Variants in PECR observed in about 807,000 individuals in gnomAD.
PECR encodes 2,4-dienoyl-CoA reductase-related protein.
Under a neutral mutation model 35.3 loss-of-function variants are expected in PECR, and 30 were observed. That is an observed-to-expected ratio of 0.85 (90% CI 0.64 to 1.15). The LOEUF (loss-of-function observed/expected upper bound fraction) is 1.15. PECR is among the 50% of genes most tolerant of loss of function. The pLI is 0.00. For missense variants in PECR, 392 were observed against 370.8 expected (o/e 1.06, Z -0.47); for synonymous variants, 148 against 138.9 (o/e 1.07, Z -0.46).
At chr2:216,055,068 C>T (rs1255843186) in intron 4 of PECR, among the ~76,000 whole-genome samples, 1 of 146,178 alleles carries the variant, frequency 6.8e-6, no homozygotes, top group East Asian at 2.1e-4. Context: ...GCAGAAATTG[C>T]ACCACTGCAC....
intron 6 of PECR, among the ~76,000 whole-genome samples, chr2:216,044,854 G>A (rs1694961781): frequency 1.3e-5 from 2 of 152,186 alleles, no homozygotes; most frequent in Non-Finnish European, 2.9e-5. Context: ...ACTTGAGGCT[G>A]TGGGAAGAAG....
chr2:216,046,384 C>T (rs1694997875), intron 6 of PECR, among the ~76,000 whole-genome samples: 1 of 145,434 alleles, frequency 6.9e-6, no homozygotes, highest in South Asian at 2.1e-4. Context: ...AATCTCTGCT[C>T]ACTGCAACCT....
At chr2:216,056,602 C>T (rs954872991) in intron 4 of PECR, among the ~76,000 whole-genome samples, 4 of 151,338 alleles carry the variant, frequency 2.6e-5, no homozygotes, top group Non-Finnish European at 5.9e-5. Context: ...GTGCCTACAA[C>T]CCCAGCTACT....
chr2:216,035,404 A>T (rs188250595), downstream of PECR, among the ~76,000 whole-genome samples: 424 of 151,728 alleles, frequency 2.8e-3, 1 homozygote, highest in Non-Finnish European at 4.6e-3. Context: ...CACCACAGTG[A>T]CTTCTCTGCC....
rs1054348950 is a variant in PECR at position 216,060,731 on chromosome 2, T to G, written c.425-1755A>C. 1.3e-5 allele frequency among the ~76,000 whole-genome samples: 2 copies of G among 152,104 alleles called. 1 individual carries two copies. The highest frequency in any genetic ancestry group is 1.3e-4 in the Admixed American group (2 of 15,264). On this transcript the variant is annotated intron_variant, in intron 3 of 7. Transcript: ENST00000265322. ...TTACCTACTAAAGGGAACTAGGTCT[T>G]CTTGGAGAAACAGGTCTGAGCCATT... is the stretch of plus-strand genomic sequence containing the variant.
Position 216,039,169 on chromosome 2 carries a change from A to G in PECR, c.*106T>C, listed in dbSNP as rs1311498200. On this transcript the variant is annotated 3_prime_UTR_variant, in exon 8 of 8. Coordinates refer to ENST00000265322, the MANE Select transcript of PECR (RefSeq NM_018441.6). The stretch of plus-strand genomic sequence containing the variant: ...TAGATATAATTAATAACACTTAAAA[A>G]TAAGAAAAATGTTTTCCATACCAAC... 2.7e-6 allele frequency: 2 copies of G among 741,230 alleles called. No homozygotes were observed. Among genetic ancestry groups the G allele is most frequent in the Admixed American group, 2.0e-5 (1 of 51,114 alleles). 45.9% of individuals were successfully genotyped at this position (741,230 alleles called of 1,614,324 possible).
intron 5 of PECR, among the ~76,000 whole-genome samples, chr2:216,050,226 A>G (rs756050321): frequency 3.9e-5 from 6 of 152,140 alleles, no homozygotes; most frequent in Non-Finnish European, 7.4e-5. Flanking sequence ...TGTCTCAAAC[A>G]TTTAAAAAAA....
At chr2:216,062,178 T>G (rs1288009325) in intron 3 of PECR, among the ~76,000 whole-genome samples, 1 of 151,864 alleles carries the variant, frequency 6.6e-6, no homozygotes, top group African/African-American at 2.4e-5. Flanking sequence ...CCCAAGTAGC[T>G]GGGACTATAG....
chr2:216,031,394 GAGAAAGGA>G (rs568088933), intron 7 of PECR, among the ~76,000 whole-genome samples: 171 of 144,018 alleles, frequency 1.2e-3, no homozygotes, highest in Middle Eastern at 6.9e-3. Context: ...GCAACAGAGT[GAGAAAGGA>G]AGAAAGGAAG....
At chr2:216,031,459 GAA>G (rs1313893558) in intron 7 of PECR, among the ~76,000 whole-genome samples, 23 of 123,978 alleles carry the variant, frequency 1.9e-4, no homozygotes, top group African/African-American at 5.6e-4. Context: ...AAGAAAGAGA[GAA>G]AGAAAGAAAG....
At chr2:216,052,675 T>G (rs77472070) in intron 4 of PECR, among the ~76,000 whole-genome samples, 3,161 of 152,320 alleles carry the variant, frequency 0.021, 118 homozygotes, top group African/African-American at 0.072. Flanking sequence ...TGATGTGCCT[T>G]GTACACTTTT....
intron 3 of PECR, among the ~76,000 whole-genome samples, chr2:216,059,854 T>C (rs763882080): frequency 9.9e-5 from 15 of 152,234 alleles, no homozygotes; most frequent in Non-Finnish European, 1.9e-4. Context: ...CCTCCAACTT[T>C]CTTCTTTTGC....
rs370208022 is a variant in PECR, at chr2:216,049,290, G to C, written c.687C>G (p.Pro229=). The C allele has an allele frequency of 1.3e-6, 2 of 1,581,214 alleles. No individual in the cohort carries two copies. Among genetic ancestry groups the C allele is most frequent in the Non-Finnish European group, 1.7e-6 (2 of 1,150,044 alleles). Residue 229 remains proline, a synonymous_variant, in exon 6 of 8, where the codon CCC becomes CCG. Coordinates refer to ENST00000265322, the MANE Select transcript of PECR (RefSeq NM_018441.6). ...CCTCAGGAACACCAATTCGTTTAGC[G>C]GGGATTTTCTGAAAAGACCCTTCAA... ...SFFEGSFQKI[P]AKRIGVPEEV...
At chr2:216,058,125 C>A (rs1695263853) in intron 4 of PECR, among the ~76,000 whole-genome samples, 1 of 152,122 alleles carries the variant, frequency 6.6e-6, no homozygotes, top group Non-Finnish European at 1.5e-5. Flanking sequence ...GGATCCCCTC[C>A]AGGGCTTGCA....
At chr2:216,063,005 GAACAAATCCCTGTTGTTA>G (rs1445422010) in intron 3 of PECR, among the ~76,000 whole-genome samples, 1 of 152,114 alleles carries the variant, frequency 6.6e-6, no homozygotes, top group Admixed American at 6.5e-5. Flanking sequence ...ACATTTCTCA[GAACAAATCCCTGTTGTTA>G]AACAACACGA....
chr2:216,055,462 AAAACAAAC>A (rs1361743244), intron 4 of PECR, among the ~76,000 whole-genome samples: 2 of 149,660 alleles, frequency 1.3e-5, no homozygotes, highest in Admixed American at 6.6e-5. Flanking sequence ...AAAAAACAAA[AAAACAAAC>A]AAACAAAAAA....
chr2:216,058,770 T>C (rs1472272730), intron 4 of PECR, 125 bp downstream of exon 4: 1 of 651,796 alleles, frequency 1.5e-6, no homozygotes, highest in Non-Finnish European at 2.8e-6. Context: ...AAATGTTAAC[T>C]GTTAGAATCA....
rs965767264 is a variant in PECR at position 216,038,532 on chromosome 2, C to T, written c.*743G>A. 3 of 152,182 alleles carry T rather than the reference C, an allele frequency of 2.0e-5. No homozygotes were observed. The highest frequency in any genetic ancestry group is 6.5e-5 in the Admixed American group (1 of 15,278). The allele number at this position is 152,182 out of a possible 1,614,324, so 9.4% of individuals were successfully genotyped here. A position where few individuals can be genotyped will look rare whatever the true frequency, so the allele number is the denominator to read the frequency against. ...ACCAAAAATAAGTCATTGTATAATT[C>T]TAATTTTAATAATCTTAATTACGAC... is the stretch of plus-strand genomic sequence containing the variant. On this transcript the variant is annotated 3_prime_UTR_variant, in exon 8 of 8. Coordinates refer to ENST00000265322, the MANE Select transcript of PECR (RefSeq NM_018441.6).
intron 7 of PECR, among the ~76,000 whole-genome samples, chr2:216,031,673 AAGAAAGAAAGAAAGAAAGAG>A (rs1410621687): frequency 1.4e-4 from 17 of 121,344 alleles, no homozygotes; most frequent in Non-Finnish European, 2.1e-4. Flanking sequence ...GAAAGAAAGA[AAGAAAGAAAGAAAGAAAGAG>A]AAAGAAAGAA....
Sources: gnomAD v4.1 joint callset for allele counts (sites outside exome capture counted in the v4.1 genomes callset) on GRCh38, gnomAD v4.1.1 for gene constraint, MANE v1.5 for transcripts, NCBI Gene and HGNC (gene_info 2026-07-23, HGNC 2026-07-21) for gene names.